AGL: variants seen among roughly 807,000 people sequenced by gnomAD.
AGL encodes the protein amylo-alpha-1,6-glucosidase and 4-alpha-glucanotransferase, also known as glycogen debranching enzyme.
In AGL, 128 loss-of-function variants were observed where a neutral mutation model predicts 199.3. The observed-to-expected ratio is 0.64, with a 90% CI of 0.56 to 0.74. The LOEUF is 0.74. Among genes scored for constraint, AGL ranks in the 30% least tolerant of loss-of-function variants. The probability of loss-of-function intolerance (pLI) is 0.00; values close to 1 mark genes in which losing one functional copy is unlikely to be tolerated. For synonymous variants in AGL, 584 were observed against 594.7 expected (o/e 0.98, Z 0.26); for missense variants, 1,809 against 1,820.8 (o/e 0.99, Z 0.12).
chr1:99,891,884 C>A, intron 23 of AGL, 145 bp downstream of exon 23: 1 of 909,206 alleles, frequency 1.1e-6, no homozygotes, highest in Non-Finnish European at 1.8e-6. Context: ...AATTTATTAG[C>A]ATCCTTTAGT....
intron 2 of AGL, among the ~76,000 whole-genome samples, chr1:99,855,270 C>A (rs1649327929): frequency 6.6e-6 from 1 of 151,952 alleles, no homozygotes; most frequent in Non-Finnish European, 1.5e-5. Context: ...ACTTGGTAAC[C>A]AATCAAATGT....
chr1:99,900,890 G>GTTTTTTTTT, intron 26 of AGL, 29 bp downstream of exon 26: 3 of 1,307,082 alleles, frequency 2.3e-6, no homozygotes, highest in Non-Finnish European at 2.1e-6. Flanking sequence ...ATGTTTTTTT[G>GTTTTTTTTT]TTTTTTTTTT....
In AGL at chr1:99,856,620, C is replaced by A. The variant is rs569522629; in HGVS notation, c.83-4883C>A. On this transcript the variant is annotated intron_variant, in intron 2 of 33. Transcript: ENST00000361915. ...TCCACAGTGTTTGTGTCCCTGGGTA[C>A]TTGAGATTAGGGAGTGGTGATGACT... 9.2e-5 allele frequency among the ~76,000 whole-genome samples: 14 copies of A among 152,040 alleles called. No homozygotes were observed. The South Asian group carries it at 2.1e-3, about 23-fold the overall frequency.
At chr1:99,882,118 T>C (rs1184272647) in intron 17 of AGL, among the ~76,000 whole-genome samples, 1 of 145,496 alleles carries the variant, frequency 6.9e-6, no homozygotes, top group Non-Finnish European at 1.5e-5. Context: ...TACTGGGTGA[T>C]AGAGTGAGAC....
At chr1:99,874,270 G>A (rs1433020172) in intron 7 of AGL, among the ~76,000 whole-genome samples, 2 of 134,572 alleles carry the variant, frequency 1.5e-5, no homozygotes, top group African/African-American at 2.8e-5. Flanking sequence ...AAAAAAAAAA[G>A]GTACATGTAT....
intron 30 of AGL, among the ~76,000 whole-genome samples, chr1:99,915,100 G>A (rs1163779358): frequency 6.6e-6 from 1 of 152,082 alleles, no homozygotes; most frequent in African/African-American, 2.4e-5. Context: ...AAATAAAAGT[G>A]TGTTCTGCCT....
At chr1:99,885,208 C>T (rs894404437) in intron 20 of AGL, among the ~76,000 whole-genome samples, 1 of 152,086 alleles carries the variant, frequency 6.6e-6, no homozygotes, top group Non-Finnish European at 1.5e-5. Context: ...CTGCATACTA[C>T]AGAAGAATAT....
chr1:99,859,893 T>C (rs571888015), intron 2 of AGL, among the ~76,000 whole-genome samples: 34 of 152,252 alleles, frequency 2.2e-4, no homozygotes, highest in Admixed American at 4.6e-4. Flanking sequence ...TGCCAGCTTG[T>C]AGATTTACCA....
chr1:99,850,504 A>G (rs1648865549), intron 1 of AGL, 89 bp downstream of exon 1: 2 of 160,736 alleles, frequency 1.2e-5, no homozygotes, highest in African/African-American at 2.4e-5. Flanking sequence ...TACGGCAGCT[A>G]TTCCAGAGGC....
intron 20 of AGL, among the ~76,000 whole-genome samples, chr1:99,886,044 A>G (rs1652425206): frequency 6.6e-6 from 1 of 152,186 alleles, no homozygotes; most frequent in Non-Finnish European, 1.5e-5. Context: ...ATAATAATTA[A>G]TACTTTCAGC....
chr1:99,866,702 T>G (rs553097835), intron 5 of AGL, among the ~76,000 whole-genome samples: 4 of 152,164 alleles, frequency 2.6e-5, no homozygotes, highest in Admixed American at 1.3e-4. Flanking sequence ...TCTGAGACAT[T>G]TGGGAGATTC....
intron 2 of AGL, among the ~76,000 whole-genome samples, chr1:99,857,084 C>G (rs1346164797): frequency 6.6e-6 from 1 of 151,284 alleles, no homozygotes; most frequent in Non-Finnish European, 1.5e-5. Flanking sequence ...CCCCCCACCT[C>G]CCTCCCGGAC....
chr1:99,870,720 A>T, intron 6 of AGL, 38 bp from the exon 7 acceptor site: 2 of 1,408,558 alleles, frequency 1.4e-6, no homozygotes, highest in Non-Finnish European at 2.0e-6. Context: ...AAATAAGTAT[A>T]TGTATATATG....
intron 7 of AGL, among the ~76,000 whole-genome samples, chr1:99,873,139 G>T (rs1489021337): frequency 1.3e-5 from 2 of 150,818 alleles, no homozygotes; most frequent in Admixed American, 1.3e-4. Flanking sequence ...CTTCTAATTT[G>T]TATTTTTACA....
At position 99,884,668 on chromosome 1, in the gene AGL, C is replaced by T; in HGVS notation, c.2646C>T (p.Asp882=). The T allele has an allele frequency of 1.2e-6, 2 of 1,613,948 alleles. No individual in the cohort carries two copies. The highest frequency in any genetic ancestry group is 1.7e-6 in the Non-Finnish European group (2 of 1,179,912). Residue 882 remains aspartate (D), a synonymous_variant, in exon 20 of 34, where the codon GAC becomes GAT. Transcript: ENST00000361915. ...PHFKSGSLAV[D]NADPILKIPF... ...TTAAATCTGGCAGCCTAGCTGTTGA[C>T]AATGCAGATCCTATATTAAAAATTC...
chr1:99,899,506 TTCTTTCTCTCTCTCTCTCTC>T (rs1653622915), intron 25 of AGL, among the ~76,000 whole-genome samples: 1 of 124,598 alleles, frequency 8.0e-6, no homozygotes, highest in Admixed American at 8.5e-5. Context: ...CCAGTTTGTT[TTCTTTCTCTCTCTCTCTCTC>T]TCTTTCTCTC....
intron 5 of AGL, among the ~76,000 whole-genome samples, chr1:99,865,330 T>C (rs1380610277): frequency 6.6e-6 from 1 of 152,210 alleles, no homozygotes; most frequent in Non-Finnish European, 1.5e-5. Flanking sequence ...TACTATAGCA[T>C]ATATGAAAAA....
At chr1:99,919,565 AT>A (rs1210904053) in intron 33 of AGL, among the ~76,000 whole-genome samples, 6 of 152,222 alleles carry the variant, frequency 3.9e-5, no homozygotes, top group Non-Finnish European at 5.9e-5. Flanking sequence ...GGGCTAGGGA[AT>A]ATATAATAAT....
intron 10 of AGL, 57 bp from the exon 11 acceptor site, chr1:99,876,401 A>G (rs1651532783): frequency 7.7e-7 from 1 of 1,295,994 alleles, no homozygotes; most frequent in Non-Finnish European, 1.1e-6. Context: ...TTGCAAATTT[A>G]TATTCTCTCC....
Sources: allele counts gnomAD v4.1 joint callset (sites outside exome capture counted in the v4.1 genomes callset), GRCh38; gene constraint gnomAD v4.1.1; transcripts MANE v1.5; gene names NCBI Gene and HGNC (gene_info 2026-07-23, HGNC 2026-07-21).